The following HM13 variants were observed in gnomAD, a reference collection of about 807,000 sequenced individuals.
The protein encoded by HM13 is signal peptide peptidase.
In HM13, 18 loss-of-function variants were observed where a neutral mutation model predicts 50.0. The ratio of observed to expected loss-of-function variants is 0.36; its 90% CI spans 0.25 to 0.53. The LOEUF (loss-of-function observed/expected upper bound fraction) is 0.53, where lower values mean the gene tolerates loss of function less well. Ranked by LOEUF, HM13 falls within the 20% of genes least tolerant of loss-of-function variation. The pLI, the probability that HM13 is intolerant of heterozygous loss-of-function variation, is 0.90. For missense variants in HM13, 393 were observed against 552.4 expected (o/e 0.71, Z 2.89); for synonymous variants, 197 against 232.6 (o/e 0.85, Z 1.39).
intron 1 of HM13, among the ~76,000 whole-genome samples, chr20:31,518,055 G>A (rs2122530049): frequency 7.0e-6 from 1 of 143,864 alleles, no homozygotes; most frequent in Middle Eastern, 3.6e-3. Flanking sequence ...TTTTTTTTGA[G>A]ATGGAGTTTC....
Position 31,569,305 on chromosome 20 carries a change from A to C in HM13, c.*86A>C. 1.1e-6 allele frequency: 1 copy of C among 918,754 alleles called. No homozygotes were observed. The highest frequency in any genetic ancestry group is 1.5e-5 in the South Asian group (1 of 68,686). The allele number at this position is 918,754 out of a possible 1,614,324, so 56.9% of individuals were successfully genotyped here. A position where few individuals can be genotyped will look rare whatever the true frequency, so the allele number is the denominator to read the frequency against. ...GGCGTGCACCGGTAGAGGGCACAGG[A>C]GGCCAAGGGCAGCTCCAGGACAGGG... On this transcript the variant is annotated 3_prime_UTR_variant, in exon 13 of 13. Transcript: ENST00000398174.
Position 31,543,163 on chromosome 20 carries a change from G to A in HM13, c.366-1784G>A, listed in dbSNP as rs139405694. Among the ~76,000 whole-genome samples the A allele has an allele frequency of 6.8e-4, 103 of 152,316 alleles. 1 individual carries two copies. The East Asian group carries it at 0.017, about 25-fold the overall frequency. On this transcript the variant is annotated intron_variant, in intron 3 of 12. Transcript: ENST00000398174. ...AACCCTGCTGTGGGAGCCCATTTCC[G>A]ATTCTGGCCTTGCACCTGCTGCGCT...
intron 1 of HM13, among the ~76,000 whole-genome samples, chr20:31,521,773 G>A (rs541604796): frequency 6.7e-6 from 1 of 149,538 alleles, no homozygotes; most frequent in East Asian, 1.9e-4. Flanking sequence ...TTTTTGTGAG[G>A]ATGAAAACAT....
In HM13 at chr20:31,516,557, C is replaced by T. The variant is rs533326372; in HGVS notation, c.183+1823C>T. On this transcript the variant is annotated intron_variant, in intron 1 of 12. Transcript: ENST00000398174. ...GCTTTGTGCTAGAGGTAGGCCTGAGCCTTGACGTAGAGGTAGAATTTCAGC... is the reference window on the plus strand; with the variant it reads ...GCTTTGTGCTAGAGGTAGGCCTGAGTCTTGACGTAGAGGTAGAATTTCAGC... Among the ~76,000 whole-genome samples, 4 of 152,210 alleles carry T rather than the reference C, an allele frequency of 2.6e-5. No homozygotes were observed. The South Asian group carries it at 8.3e-4, about 32-fold the overall frequency.
In HM13 at chr20:31,554,788, A is replaced by G. The variant is rs1487137552; in HGVS notation, c.767A>G (p.Asn256Ser). 6.2e-7 allele frequency: 1 copy of G among 1,614,080 alleles called. No homozygotes were observed. The highest frequency in any genetic ancestry group is 8.5e-7 in the Non-Finnish European group (1 of 1,180,018). ...QDLLEKGLEA[N>S]NFAMLGLGDV... ...CTGCTGGAGAAAGGCCTCGAAGCAA[A>G]CAACTTTGCCATGCTGGGACTTGGA... Residue 256 changes from asparagine to serine, a missense_variant, in exon 8 of 13, where the codon AAC (asparagine) becomes AGC (serine). Around this residue, in one of 3 missense-constraint regions of HM13, gnomAD observed 74 missense variants for 160.4 expected, o/e 0.46. Coordinates refer to ENST00000398174, the MANE Select transcript of HM13 (RefSeq NM_178581.3).
At chr20:31,536,615 C>T (rs1468350550) in intron 2 of HM13, among the ~76,000 whole-genome samples, 1 of 152,198 alleles carries the variant, frequency 6.6e-6, no homozygotes, top group East Asian at 1.9e-4. Context: ...CATGGCACTG[C>T]AGGGTCTGGC....
intron 3 of HM13, among the ~76,000 whole-genome samples, chr20:31,543,325 G>A (rs547265638): frequency 9.9e-5 from 15 of 152,202 alleles, no homozygotes; most frequent in South Asian, 8.3e-4. Context: ...TCGCTGTGTC[G>A]CCCAGGCTGG....
At position 31,516,187 on chromosome 20, in the gene HM13, G is replaced by A. The variant is rs947809211; in HGVS notation, c.183+1453G>A. On this transcript the variant is annotated intron_variant, in intron 1 of 12. Transcript: ENST00000398174. ...CTGTCAGGTAGACACTTAGTGTAGA[G>A]AGCAGTTCTGAGATAACCCAGGACA... Among the ~76,000 whole-genome samples the A allele has an allele frequency of 2.0e-5, 3 of 152,140 alleles. No individual in the cohort carries two copies. In the South Asian group the frequency reaches 6.2e-4, roughly 31 times the overall value.
At chr20:31,522,700 A>G (rs917457397) in intron 1 of HM13, among the ~76,000 whole-genome samples, 1 of 152,138 alleles carries the variant, frequency 6.6e-6, no homozygotes, top group Non-Finnish European at 1.5e-5. Flanking sequence ...CTCTGCAGAA[A>G]TAGTGTCTTG....
chr20:31,567,284 C>T (rs1398077861), intron 11 of HM13, among the ~76,000 whole-genome samples: 1 of 152,202 alleles, frequency 6.6e-6, no homozygotes, highest in Non-Finnish European at 1.5e-5. Context: ...CTTCACCCTC[C>T]CTCTGCTTCC....
intron 6 of HM13, 36 bp downstream of exon 6, chr20:31,549,368 C>T (rs750899225): frequency 9.3e-6 from 15 of 1,613,050 alleles, no homozygotes; most frequent in Admixed American, 3.3e-5. Context: ...TGTCTGGCTC[C>T]GGGGCCATCT....
At chr20:31,516,512 A>G (rs1452143031) in intron 1 of HM13, among the ~76,000 whole-genome samples, 1 of 152,210 alleles carries the variant, frequency 6.6e-6, no homozygotes, top group Non-Finnish European at 1.5e-5. Context: ...GATTGAGCAC[A>G]TCTGGGACAA....
chr20:31,539,287 GTTTC>G (rs929064184), intron 3 of HM13: 1 of 985,362 alleles, frequency 1.0e-6, no homozygotes, highest in Non-Finnish European at 1.2e-6. Flanking sequence ...GTCCCAGTAT[GTTTC>G]TTTCTGCCCC....
At chr20:31,526,198 C>G (rs1982483427) in intron 1 of HM13, among the ~76,000 whole-genome samples, 1 of 151,770 alleles carries the variant, frequency 6.6e-6, no homozygotes, top group African/African-American at 2.4e-5. Context: ...GCTGTGTCTC[C>G]CAGGCTAGAG....
intron 3 of HM13, among the ~76,000 whole-genome samples, chr20:31,542,214 G>T (rs961258367): frequency 2.0e-5 from 3 of 152,224 alleles, no homozygotes; most frequent in African/African-American, 7.2e-5. Context: ...GGAAGGCAGG[G>T]GCCGCAGCCT....
chr20:31,523,071 GAC>G lies in HM13; in HGVS notation c.184-4411_184-4410del, dbSNP rs990797473. ...GAGGGGGGCTTTTTTTTTTTTATGA[GAC>G]AGAGTCTCGCTCTGTTGCCGAGGCT... On this transcript the variant is annotated intron_variant, in intron 1 of 12. Coordinates refer to ENST00000398174, the MANE Select transcript of HM13 (RefSeq NM_178581.3). Among the ~76,000 whole-genome samples, 18 of 144,906 alleles carry G rather than the reference GAC, an allele frequency of 1.2e-4. No individual in the cohort carries two copies. In the South Asian group the frequency reaches 2.1e-3, roughly 17 times the overall value.
intron 4 of HM13, chr20:31,547,464 TC>T (rs1379281649): frequency 5.0e-6 from 3 of 596,710 alleles, no homozygotes; most frequent in Non-Finnish European, 8.9e-6. Flanking sequence ...CCTTGCCAAT[TC>T]CGTTTGTTTC....
In HM13 at chr20:31,514,766, A is replaced by T; in HGVS notation, c.183+32A>T. Reference sequence around the variant, plus strand: ...TCAGCGGGAAAACCGGGCACTTTCCACCCCCATACCGAACACGGCCGACAT... The same window carrying T: ...TCAGCGGGAAAACCGGGCACTTTCCTCCCCCATACCGAACACGGCCGACAT... On this transcript the variant is annotated intron_variant, in intron 1 of 12. Transcript: ENST00000398174. This position sits in a 1 kb window ranked among gnomAD's most constrained non-coding sequence, Gnocchi z 4.3. 1 of 1,484,374 alleles carries T rather than the reference A, an allele frequency of 6.7e-7. No homozygotes were observed. 92.0% of individuals were successfully genotyped at this position (1,484,374 alleles called of 1,614,324 possible).
rs73233643 is a variant in HM13 at position 31,537,560 on chromosome 20, A to G, written c.283-619A>G. Among the ~76,000 whole-genome samples the G allele has an allele frequency of 9.7e-3, 1,473 of 152,318 alleles. 18 individuals carry two copies. The highest frequency in any genetic ancestry group is 0.033 in the African/African-American group (1,384 of 41,564). Reference sequence around the variant, plus strand: ...GGTGTACCATGGCATAGCCTTTCCAAAGTCTAGAATTAACATGTGACCATT... The same window carrying G: ...GGTGTACCATGGCATAGCCTTTCCAGAGTCTAGAATTAACATGTGACCATT... On this transcript the variant is annotated intron_variant, in intron 2 of 12. Transcript: ENST00000398174.
Sources: allele counts gnomAD v4.1 joint callset (sites outside exome capture counted in the v4.1 genomes callset), GRCh38; gene constraint gnomAD v4.1.1; regional missense constraint gnomAD v4.1.1; non-coding constraint Gnocchi (gnomAD v3.1); transcripts MANE v1.5; gene names NCBI Gene and HGNC (gene_info 2026-07-23, HGNC 2026-07-21).